Variants in MGAT5 observed in about 807,000 individuals in gnomAD.
MGAT5 encodes the protein alpha-1,6-mannosylglycoprotein 6-beta-N-acetylglucosaminyltransferase.
In MGAT5, 30 loss-of-function variants were observed where a neutral mutation model predicts 94.3. That is an observed-to-expected ratio of 0.32 (90% confidence interval 0.24 to 0.43). MGAT5 has a LOEUF of 0.43. Ranked by LOEUF, MGAT5 falls within the 20% of genes least tolerant of loss-of-function variation. The pLI is 1.00. For synonymous variants in MGAT5, 310 were observed against 322.9 expected, an observed-to-expected ratio of 0.96 and a Z score of 0.43; for missense variants, 691 against 905.5, an observed-to-expected ratio of 0.76 and a Z score of 3.04.
intron 1 of MGAT5, among the ~76,000 whole-genome samples, chr2:134,223,209 G>A (rs1444201342): frequency 1.3e-5 from 2 of 151,996 alleles, no homozygotes; most frequent in South Asian, 2.1e-4. Context: ...GGCATTTTTT[G>A]TACCCCCTTC....
chr2:134,413,445 G>T (rs1301131828), intron 12 of MGAT5, among the ~76,000 whole-genome samples: 1 of 152,186 alleles, frequency 6.6e-6, no homozygotes, highest in Non-Finnish European at 1.5e-5. Context: ...ATGTATCATG[G>T]ATAACTGAAG....
chr2:134,321,395 A>G (rs1031614941), intron 4 of MGAT5, among the ~76,000 whole-genome samples: 3 of 152,076 alleles, frequency 2.0e-5, no homozygotes, highest in East Asian at 1.9e-4. Flanking sequence ...CCATACTTAC[A>G]TCTCCTTGGA....
At chr2:134,156,396 A>G (rs1055176298) in intron 1 of MGAT5, among the ~76,000 whole-genome samples, 2 of 152,112 alleles carry the variant, frequency 1.3e-5, no homozygotes, top group Admixed American at 1.3e-4. Context: ...GGCCTGTGTC[A>G]TTCTTCTTAG....
chr2:134,426,820 A>G (rs1684616962), intron 13 of MGAT5, among the ~76,000 whole-genome samples: 1 of 152,200 alleles, frequency 6.6e-6, no homozygotes. Context: ...TGAGAACATG[A>G]AAGTCAGTTC....
rs143786137 is a variant in MGAT5, at chr2:134,155,852, A to G, written c.-143+35561A>G. Among the ~76,000 whole-genome samples, 47 of 151,868 alleles carry G rather than the reference A, an allele frequency of 3.1e-4. 1 individual carries two copies. The East Asian group carries it at 8.7e-3, about 28-fold the overall frequency. On this transcript the variant is annotated intron_variant, in intron 1 of 16. Coordinates refer to the MGAT5 transcript ENST00000409645. ...TCCTTCCTTCCCTCTTTTTCTGGCC[A>G]ACTCCTGCCTCTTCCTATCTGCACT... is the stretch of plus-strand genomic sequence containing the variant.
intron 1 of MGAT5, among the ~76,000 whole-genome samples, chr2:134,153,775 C>T (rs932396364): frequency 2.6e-5 from 4 of 152,046 alleles, no homozygotes; most frequent in Non-Finnish European, 5.9e-5. Context: ...TTATAGCAGA[C>T]GACTGACTAT....
chr2:134,389,961 C>T (rs1476154639), intron 10 of MGAT5, among the ~76,000 whole-genome samples: 1 of 152,110 alleles, frequency 6.6e-6, no homozygotes, highest in South Asian at 2.1e-4. Flanking sequence ...ACAGGCAGGG[C>T]GTTGGTGTGG....
intron 1 of MGAT5, among the ~76,000 whole-genome samples, chr2:134,150,396 C>G (rs754002972): frequency 3.9e-5 from 6 of 152,190 alleles, no homozygotes; most frequent in Non-Finnish European, 8.8e-5. Flanking sequence ...CTCCCTATGC[C>G]CAGAAGCAGT....
At chr2:134,138,180 T>C (rs527325980) in intron 1 of MGAT5, among the ~76,000 whole-genome samples, 1 of 149,634 alleles carries the variant, frequency 6.7e-6, no homozygotes, top group African/African-American at 2.5e-5. Context: ...ATACCTAACA[T>C]AATTTTATTA....
At chr2:134,437,093 A>G (rs1443055636) in intron 14 of MGAT5, among the ~76,000 whole-genome samples, 1 of 152,158 alleles carries the variant, frequency 6.6e-6, no homozygotes, top group East Asian at 1.9e-4. Flanking sequence ...GGTTCAAGCA[A>G]TTCTCCTGTC....
chr2:134,416,947 C>A (rs139901252), intron 12 of MGAT5, among the ~76,000 whole-genome samples: 182 of 150,972 alleles, frequency 1.2e-3, no homozygotes, highest in African/African-American at 3.8e-3. Context: ...TATTTCACTC[C>A]TTTTTATGAA....
intron 1 of MGAT5, among the ~76,000 whole-genome samples, chr2:134,236,858 A>G (rs1366988904): frequency 6.6e-6 from 1 of 152,118 alleles, no homozygotes; most frequent in Non-Finnish European, 1.5e-5. Flanking sequence ...AAACTTTAGC[A>G]TCATTGGGAG....
intron 4 of MGAT5, among the ~76,000 whole-genome samples, chr2:134,326,131 T>C (rs1329719049): frequency 6.6e-6 from 1 of 151,536 alleles, no homozygotes; most frequent in Non-Finnish European, 1.5e-5. Context: ...CTTCTTAATA[T>C]ATCAGGAATA....
chr2:134,198,426 C>G (rs1679605037), intron 1 of MGAT5, among the ~76,000 whole-genome samples: 1 of 152,176 alleles, frequency 6.6e-6, no homozygotes, highest in African/African-American at 2.4e-5. Context: ...CTGGGAGATG[C>G]CTTTTACCCT....
At chr2:134,127,957 T>G (rs1299492182) in intron 1 of MGAT5, among the ~76,000 whole-genome samples, 1 of 152,202 alleles carries the variant, frequency 6.6e-6, no homozygotes, top group Non-Finnish European at 1.5e-5. Context: ...TGGACATTTT[T>G]TTTTTCCTCT....
At chr2:134,215,723 A>T (rs1680460615) in intron 1 of MGAT5, among the ~76,000 whole-genome samples, 1 of 152,240 alleles carries the variant, frequency 6.6e-6, no homozygotes, top group African/African-American at 2.4e-5. Context: ...TAGCAAGTAT[A>T]TACTTAGAAG....
intron 4 of MGAT5, among the ~76,000 whole-genome samples, chr2:134,329,609 G>A (rs141032557): frequency 5.3e-5 from 8 of 152,172 alleles, no homozygotes; most frequent in Admixed American, 2.6e-4. Context: ...AAGACAGGTG[G>A]CATTTCCATC....
chr2:134,357,864 TCAC>T (rs1006848081), intron 9 of MGAT5, among the ~76,000 whole-genome samples: 1 of 117,296 alleles, frequency 8.5e-6, no homozygotes, highest in African/African-American at 3.2e-5. Context: ...GAAACTAGTA[TCAC>T]CACCATTTGG....
chr2:134,225,724 C>T (rs1233879879), intron 1 of MGAT5, among the ~76,000 whole-genome samples: 1 of 152,136 alleles, frequency 6.6e-6, no homozygotes, highest in Non-Finnish European at 1.5e-5. Flanking sequence ...TAAGACACTG[C>T]TTCTACATTT....
Sources: allele counts gnomAD v4.1 joint callset (sites outside exome capture counted in the v4.1 genomes callset), GRCh38; gene constraint gnomAD v4.1.1; transcripts MANE v1.5; gene names NCBI Gene and HGNC (gene_info 2026-07-23, HGNC 2026-07-21).